Variants in GRIK1 observed in about 807,000 individuals in gnomAD.
The protein encoded by GRIK1 is glutamate receptor ionotropic, kainate 1.
A neutral mutation model predicts 105.7 loss-of-function variants in GRIK1; 69 were observed. The ratio of observed to expected loss-of-function variants is 0.65; its 90% confidence interval spans 0.54 to 0.80. The LOEUF (loss-of-function observed/expected upper bound fraction) is 0.80, where lower values mean the gene tolerates loss of function less well. Among genes scored for constraint, GRIK1 ranks in the 30% least tolerant of loss-of-function variants. The probability of loss-of-function intolerance (pLI) is 0.00; values close to 1 mark genes in which losing one functional copy is unlikely to be tolerated. For missense variants in GRIK1, 1,109 were observed against 1,167.3 expected (o/e 0.95, Z 0.73); for synonymous variants, 438 against 431.3 (o/e 1.02, Z -0.19).
intron 1 of GRIK1, among the ~76,000 whole-genome samples, chr21:29,889,973 C>A (rs895303439): frequency 1.3e-5 from 2 of 152,026 alleles, no homozygotes; most frequent in Admixed American, 6.6e-5. Context: ...ACCGATGCAA[C>A]CCTTATCTGT....
intron 14 of GRIK1, among the ~76,000 whole-genome samples, chr21:29,570,923 T>G (rs1291722844): frequency 6.7e-6 from 1 of 150,184 alleles, no homozygotes; most frequent in Non-Finnish European, 1.5e-5. Context: ...TGGAATTGAA[T>G]TTATGATTTA....
At chr21:29,674,886 T>C (rs1296268131) in intron 3 of GRIK1, among the ~76,000 whole-genome samples, 1 of 152,210 alleles carries the variant, frequency 6.6e-6, no homozygotes, top group Non-Finnish European at 1.5e-5. Context: ...GCTAGAATAG[T>C]AGGCTTCCTG....
chr21:29,869,442 G>A (rs2068935869), intron 1 of GRIK1, among the ~76,000 whole-genome samples: 2 of 152,180 alleles, frequency 1.3e-5, no homozygotes, highest in African/African-American at 2.4e-5. Flanking sequence ...GAAGAAAAGA[G>A]TTTGCTCTGG....
At chr21:29,884,581 T>C (rs2069541042) in intron 1 of GRIK1, among the ~76,000 whole-genome samples, 1 of 152,142 alleles carries the variant, frequency 6.6e-6, no homozygotes, top group Non-Finnish European at 1.5e-5. Flanking sequence ...TAAGAAAACA[T>C]GAAAGTGGGT....
chr21:29,836,048 A>G (rs1324576714), intron 1 of GRIK1, among the ~76,000 whole-genome samples: 1 of 152,202 alleles, frequency 6.6e-6, no homozygotes, highest in Non-Finnish European at 1.5e-5. Flanking sequence ...TGCACTCTTC[A>G]CCAAGCCTGG....
At chr21:29,719,682 C>T (rs2064273646) in intron 1 of GRIK1, among the ~76,000 whole-genome samples, 1 of 152,080 alleles carries the variant, frequency 6.6e-6, no homozygotes, top group South Asian at 2.1e-4. Context: ...TCTCTATCCT[C>T]TTTGACAACA....
intron 14 of GRIK1, among the ~76,000 whole-genome samples, chr21:29,569,682 C>T (rs1417146009): frequency 1.3e-5 from 2 of 152,190 alleles, no homozygotes; most frequent in Non-Finnish European, 2.9e-5. Flanking sequence ...GGTTCTTAGA[C>T]ATTATCATGA....
intron 1 of GRIK1, among the ~76,000 whole-genome samples, chr21:29,907,082 C>A (rs574650443): frequency 6.6e-6 from 1 of 150,718 alleles, no homozygotes; most frequent in Non-Finnish European, 1.5e-5. Flanking sequence ...ACAGCATGCA[C>A]CTTCAATTCA....
intron 1 of GRIK1, among the ~76,000 whole-genome samples, chr21:29,884,144 C>T (rs373268916): frequency 3.3e-5 from 5 of 151,948 alleles, no homozygotes; most frequent in Admixed American, 6.6e-5. Flanking sequence ...TATCACTGTT[C>T]GATAAGCTGC....
intron 14 of GRIK1, among the ~76,000 whole-genome samples, chr21:29,575,535 T>TAA (rs202176701): frequency 2.6e-5 from 4 of 151,224 alleles, no homozygotes; most frequent in African/African-American, 9.7e-5. Flanking sequence ...AAAGATTATT[T>TAA]AAAAAAAAAT....
intron 1 of GRIK1, among the ~76,000 whole-genome samples, chr21:29,859,293 A>G (rs886376030): frequency 1.3e-5 from 2 of 151,980 alleles, no homozygotes; most frequent in African/African-American, 4.8e-5. Context: ...GCACACCAAC[A>G]TGGCACATGT....
At chr21:29,555,343 G>C in intron 15 of GRIK1, 41 bp from the exon 16 acceptor site, 1 of 1,573,510 alleles carries the variant, frequency 6.4e-7, no homozygotes, top group African/African-American at 1.4e-5. Flanking sequence ...CCAAAATGTT[G>C]AAGAAGACAT....
At chr21:29,759,253 G>A (rs2065443183) in intron 1 of GRIK1, among the ~76,000 whole-genome samples, 1 of 151,962 alleles carries the variant, frequency 6.6e-6, no homozygotes, top group African/African-American at 2.4e-5. Context: ...GAGTAGCTGG[G>A]ACTACAGGCA....
chr21:29,643,604 T>G (rs1211081273), intron 6 of GRIK1, among the ~76,000 whole-genome samples: 1 of 152,224 alleles, frequency 6.6e-6, no homozygotes, highest in Non-Finnish European at 1.5e-5. Context: ...TGAGAGAGAT[T>G]GAAACAAGTC....
At chr21:29,560,341 TTCTTTC>T (rs1326218405) in intron 15 of GRIK1, among the ~76,000 whole-genome samples, 1 of 117,166 alleles carries the variant, frequency 8.5e-6, no homozygotes, top group African/African-American at 3.6e-5. Context: ...CTTTCTTTCT[TTCTTTC>T]TTTCTTTCTT....
intron 14 of GRIK1, among the ~76,000 whole-genome samples, chr21:29,573,982 A>G (rs2090822689): frequency 6.6e-6 from 1 of 152,210 alleles, no homozygotes; most frequent in Non-Finnish European, 1.5e-5. Flanking sequence ...TCCCATGTGG[A>G]AAGTTCCACA....
chr21:29,713,815 A>G (rs963251117), intron 1 of GRIK1, among the ~76,000 whole-genome samples: 4 of 152,196 alleles, frequency 2.6e-5, no homozygotes, highest in Non-Finnish European at 5.9e-5. Context: ...AATACAGCTG[A>G]ACTTTTCCTC....
intron 1 of GRIK1, among the ~76,000 whole-genome samples, chr21:29,875,409 C>A (rs1231355170): frequency 1.3e-5 from 2 of 152,162 alleles, no homozygotes; most frequent in African/African-American, 4.8e-5. Flanking sequence ...TTTTCAATTT[C>A]TTTCCACTGC....
rs567465582 is a variant in GRIK1 at position 29,757,627 on chromosome 21, A to C, written c.119-63564T>G. ...CATTATTTTTTTAAGTTCTTTCTCA[A>C]AGAAGCCAGTCAATCAAGAGCTTAT... On this transcript the variant is annotated intron_variant, in intron 1 of 17. Coordinates refer to ENST00000327783, the MANE Select transcript of GRIK1 (RefSeq NM_001330994.2). Among the ~76,000 whole-genome samples the C allele has an allele frequency of 3.3e-5, 5 of 152,320 alleles. No homozygotes were observed. The South Asian group carries it at 1.0e-3, about 32-fold the overall frequency.
Sources: gnomAD v4.1 joint callset for allele counts (sites outside exome capture counted in the v4.1 genomes callset) on GRCh38, gnomAD v4.1.1 for gene constraint, MANE v1.5 for transcripts, NCBI Gene and HGNC (gene_info 2026-07-23, HGNC 2026-07-21) for gene names.